The following ANKRD11 variants were observed in gnomAD, a reference collection of about 807,000 sequenced individuals.
ANKRD11 encodes the protein ankyrin repeat domain-containing protein 11.
ANKRD11 carries 17 observed loss-of-function variants against 195.7 expected under a neutral mutation model. The observed-to-expected ratio is 0.09, with a 90% CI of 0.06 to 0.13. The LOEUF (loss-of-function observed/expected upper bound fraction) is 0.13. Among genes scored for constraint, ANKRD11 ranks in the 10% least tolerant of loss-of-function variants. The pLI is 1.00. For synonymous variants in ANKRD11, 1,953 were observed against 1,528.1 expected (o/e 1.28, Z -6.49); for missense variants, 3,735 against 3,566.1 (o/e 1.05, Z -1.21).
rs554071391 is a variant in ANKRD11, at chr16:89,280,740, C to A, written c.5802G>T (p.Leu1934=). The change falls in exon 9 of 13, where the codon CTG becomes CTT. Residue 1934 remains leucine, a synonymous_variant. Transcript: ENST00000301030. ...IPPEPSYLEP[L]DEGPFSAVIT... is the part of the protein sequence containing the mutation. ...TGACGGCGCTGAAGGGACCCTCGTC[C>A]AGCGGCTCCAGGTAGCTGGGCTCCG... 3 of 1,613,460 alleles carry A rather than the reference C, an allele frequency of 1.9e-6. No homozygotes were observed. In the Admixed American group the frequency reaches 5.0e-5, roughly 27 times the overall value.
chr16:89,316,790 C>A, intron 3 of ANKRD11, 143 bp downstream of exon 3: 1 of 995,730 alleles, frequency 1.0e-6, no homozygotes, highest in Non-Finnish European at 1.5e-6. Context: ...CTCCTCACCA[C>A]CCTCTCCACT....
At chr16:89,337,270 G>A (rs1027845592) in intron 2 of ANKRD11, among the ~76,000 whole-genome samples, 3 of 151,808 alleles carry the variant, frequency 2.0e-5, no homozygotes, top group Non-Finnish European at 2.9e-5. Flanking sequence ...TGCTCCCAAG[G>A]AAACGTCAGA....
At position 89,317,074 on chromosome 16, in the gene ANKRD11, G is replaced by A. The variant is rs1023009237; in HGVS notation, c.-55C>T. 18 of 1,555,368 alleles carry A rather than the reference G, an allele frequency of 1.2e-5. No individual in the cohort carries two copies. Among genetic ancestry groups the A allele is most frequent in the African/African-American group, 6.8e-5 (5 of 73,532 alleles). On this transcript the variant is annotated 5_prime_UTR_variant, in exon 3 of 13. It adds an upstream start codon to the 5' untranslated region. Coordinates refer to ENST00000301030, the MANE Select transcript of ANKRD11 (RefSeq NM_013275.6). ...CACGGCCGGCGCTTCATCATCAACC[G>A]TCTGCTTCAAAAGAGAAGACACACA...
intron 1 of ANKRD11, among the ~76,000 whole-genome samples, chr16:89,472,217 G>C (rs888645952): frequency 1.1e-4 from 17 of 152,172 alleles, no homozygotes; most frequent in African/African-American, 3.9e-4. Context: ...CACAGCTAAG[G>C]AAGACAGAAA....
Position 89,349,134 on chromosome 16 carries a change from T to TAAAAAAAAAAAAAAAAAAAAAAAAAAAAA in ANKRD11, c.-59-32057_-59-32056insTTTTTTTTTTTTTTTTTTTTTTTTTTTTT, listed in dbSNP as rs59621400. 2.4e-4 allele frequency among the ~76,000 whole-genome samples: 4 copies of TAAAAAAAAAAAAAAAAAAAAAAAAAAAAA among 16,576 alleles called. 1 individual carries two copies. Among genetic ancestry groups the TAAAAAAAAAAAAAAAAAAAAAAAAAAAAA allele is most frequent in the East Asian group, 4.7e-3 (2 of 424 alleles). 10.9% of individuals were successfully genotyped at this position (16,576 alleles called of 152,430 possible). ...CAGAGTAAAACACTGTCTCAAAAAG[T>TAAAAAAAAAAAAAAAAAAAAAAAAAAAAA]AAAAAAAAAAAAAAAAAAAAAAAAA... On this transcript the variant is annotated intron_variant, in intron 2 of 12. Coordinates refer to ENST00000301030, the MANE Select transcript of ANKRD11 (RefSeq NM_013275.6).
chr16:89,431,050 C>A (rs1291550549), intron 1 of ANKRD11, among the ~76,000 whole-genome samples: 5 of 152,124 alleles, frequency 3.3e-5, no homozygotes, highest in African/African-American at 1.2e-4. Flanking sequence ...ACCCTGCTTC[C>A]AGAAGCCTAG....
rs116327919 is a variant in ANKRD11, at chr16:89,485,485, G to C, written c.-145+4760C>G. On this transcript the variant is annotated intron_variant, in intron 1 of 12. Transcript: ENST00000301030. ...CTCCAGCCTAGGTGACAGAGACTCT[G>C]TCTCAAAACAAAACAAAACTGTGAG... is the stretch of plus-strand genomic sequence containing the variant. 2.0e-5 allele frequency among the ~76,000 whole-genome samples: 3 copies of C among 152,226 alleles called. No individual in the cohort carries two copies. In the South Asian group the frequency reaches 6.2e-4, roughly 32 times the overall value.
In ANKRD11 at chr16:89,397,716, T is replaced by G. The variant is rs1049087074; in HGVS notation, c.-60+20568A>C. On this transcript the variant is annotated intron_variant, in intron 2 of 12. Transcript: ENST00000301030. ...TGCTGACCCGGTACTGCTCTTGGAA[T>G]GTCAAGATGAAGATGATGCAGAAGC... 2.6e-5 allele frequency among the ~76,000 whole-genome samples: 4 copies of G among 152,362 alleles called. No homozygotes were observed. In the East Asian group the frequency reaches 7.7e-4, roughly 29 times the overall value.
chr16:89,476,107 G>A (rs929143722), intron 1 of ANKRD11, among the ~76,000 whole-genome samples: 1 of 149,726 alleles, frequency 6.7e-6, no homozygotes, highest in African/African-American at 2.4e-5. Context: ...AGAAAACACA[G>A]AAAATATGCA....
chr16:89,358,140 A>C (rs1021140300), intron 2 of ANKRD11, among the ~76,000 whole-genome samples: 7 of 152,230 alleles, frequency 4.6e-5, no homozygotes, highest in Non-Finnish European at 8.8e-5. Context: ...GGGTGGCTGG[A>C]GATGCTGCAC....
At chr16:89,347,877 G>C (rs116099480) in intron 2 of ANKRD11, among the ~76,000 whole-genome samples, 1,562 of 152,110 alleles carry the variant, frequency 0.01, 24 homozygotes, top group African/African-American at 0.035. Flanking sequence ...CCATCAGACT[G>C]AGGAAACTCC....
chr16:89,489,224 C>A (rs2057722539), intron 1 of ANKRD11: 1 of 101,694 alleles, frequency 9.8e-6, no homozygotes. Flanking sequence ...CACACACACA[C>A]ACGCGCGCGC....
At position 89,405,905 on chromosome 16, in the gene ANKRD11, T is replaced by A. The variant is rs923804048; in HGVS notation, c.-60+12379A>T. On this transcript the variant is annotated intron_variant, in intron 2 of 12. Coordinates refer to ENST00000301030, the MANE Select transcript of ANKRD11 (RefSeq NM_013275.6). The stretch of plus-strand genomic sequence containing the variant: ...CCGGCAGATCACCTGAGGACAGGAG[T>A]TCGAGAGCAGTCTGGCCAACATGGT... 1.1e-4 allele frequency among the ~76,000 whole-genome samples: 17 copies of A among 151,872 alleles called. 1 individual carries two copies. The highest frequency in any genetic ancestry group is 4.1e-4 in the African/African-American group (17 of 41,394).
rs2034504829 is a variant in ANKRD11, at chr16:89,284,471, G to A, written c.2071C>T (p.Arg691Cys). Residue 691 changes from arginine to cysteine, a missense_variant, in exon 9 of 13, where the codon CGC (arginine) becomes TGC (cysteine). By Grantham distance (180) the Arg-to-Cys change is radical. Transcript: ENST00000301030. ...ENKLKVLKHD[R>C]DHFKKEEKLS... is the part of the protein sequence containing the mutation. ...TTCTCTTCTTTTTTAAAGTGGTCGC[G>A]ATCGTGCTTTAACACTTTTAGCTTG... 4.3e-6 allele frequency: 7 copies of A among 1,613,870 alleles called. No homozygotes were observed. Among genetic ancestry groups the A allele is most frequent in the African/African-American group, 2.7e-5 (2 of 74,930 alleles).
intron 1 of ANKRD11, among the ~76,000 whole-genome samples, chr16:89,419,329 TG>T (rs2042422412): frequency 6.6e-6 from 1 of 151,912 alleles, no homozygotes; most frequent in African/African-American, 2.4e-5. Flanking sequence ...GGCTTGTACC[TG>T]TAACCCCAAC....
intron 1 of ANKRD11, among the ~76,000 whole-genome samples, chr16:89,456,274 C>T (rs2056430745): frequency 1.3e-5 from 2 of 151,358 alleles, no homozygotes; most frequent in Admixed American, 6.6e-5. Flanking sequence ...GGGGGCCAGG[C>T]AAGCTGGCTC....
intron 7 of ANKRD11, chr16:89,287,094 C>T: frequency 7.8e-7 from 1 of 1,289,828 alleles, no homozygotes; most frequent in Non-Finnish European, 1.0e-6. Flanking sequence ...CAGGATCCTT[C>T]CTTTCCTCCA....
At chr16:89,350,646 A>G (rs1329828761) in intron 2 of ANKRD11, among the ~76,000 whole-genome samples, 1 of 152,232 alleles carries the variant, frequency 6.6e-6, no homozygotes, top group Non-Finnish European at 1.5e-5. Flanking sequence ...AAATAGGATG[A>G]CATGCTGCTG....
chr16:89,342,944 A>G (rs977135489), intron 2 of ANKRD11, among the ~76,000 whole-genome samples: 7 of 152,208 alleles, frequency 4.6e-5, no homozygotes, highest in South Asian at 2.1e-4. Flanking sequence ...CATCATTTAC[A>G]TGCTTCATAA....
Sources: allele counts gnomAD v4.1 joint callset (sites outside exome capture counted in the v4.1 genomes callset), GRCh38; gene constraint gnomAD v4.1.1; transcripts MANE v1.5; gene names NCBI Gene and HGNC (gene_info 2026-07-23, HGNC 2026-07-21).